The following PDE6G variants were observed in gnomAD, a reference collection of about 807,000 sequenced individuals.
PDE6G encodes the protein phosphodiesterase 6G.
PDE6G carries 10 observed loss-of-function variants against 10.9 expected under a neutral mutation model. That is an observed-to-expected ratio of 0.91 (90% CI 0.56 to 1.55). PDE6G has a LOEUF of 1.55. PDE6G is among the 40% of genes most tolerant of loss of function. PDE6G has a pLI of 0.00. For missense variants in PDE6G, 102 were observed against 110.1 expected, an observed-to-expected ratio of 0.93 and a Z score of 0.33; for synonymous variants, 41 against 42.8, an observed-to-expected ratio of 0.96 and a Z score of 0.16.
rs764959105 is a variant in PDE6G at position 81,653,293 on chromosome 17, GTTCCAGGT to G, written c.5_12del (p.Asn2ThrfsTer5). On this transcript the variant is annotated frameshift_variant, in exon 2 of 4. Transcript: ENST00000331056. LOFTEE classifies it high-confidence loss of function. This position sits in a 1 kb window ranked among gnomAD's most constrained non-coding sequence, Gnocchi z 5.2. Reference sequence around the variant, plus strand: ...GCTGACCGGAACTCAGCCTTGGGCGGTTCCAGGTTCATGGTGAGGCTGACGGAGACACC... The same window carrying G: ...GCTGACCGGAACTCAGCCTTGGGCGGTCATGGTGAGGCTGACGGAGACACC... 6.2e-7 allele frequency: 1 copy of G among 1,613,498 alleles called. No homozygotes were observed. Among genetic ancestry groups the G allele is most frequent in the African/African-American group, 1.3e-5 (1 of 75,002 alleles).
rs2036348049 is a variant in PDE6G at position 81,651,232 on chromosome 17, G to A, written c.188-82C>T. On this transcript the variant is annotated intron_variant, in intron 3 of 3. Coordinates refer to ENST00000331056, the MANE Select transcript of PDE6G (RefSeq NM_002602.4). This position sits in a 1 kb window ranked among gnomAD's most constrained non-coding sequence, Gnocchi z 4.8. ...ATCCCCTGTGGCCCTGTTTCCCACA[G>A]CCCAGGTGTAGCCCTACAGTGTGCT... 3.9e-6 allele frequency: 4 copies of A among 1,014,398 alleles called. No homozygotes were observed. In the Admixed American group the frequency reaches 7.3e-5, roughly 19 times the overall value. The allele number at this position is 1,014,398 out of a possible 1,614,324, so 62.8% of individuals were successfully genotyped here.
intron 1 of PDE6G, among the ~76,000 whole-genome samples, chr17:81,655,992 A>C (rs1200769063): frequency 6.6e-6 from 1 of 152,092 alleles, no homozygotes; most frequent in East Asian, 1.9e-4. Flanking sequence ...AGCCTGTGCA[A>C]AACCAGCACT....
At chr17:81,656,652 A>G, upstream of PDE6G, 1 of 705,068 alleles carries the variant, frequency 1.4e-6, no homozygotes, top group African/African-American at 1.7e-5. Flanking sequence ...ACAACCACCA[A>G]GGTTCAGGGG....
chr17:81,657,434 C>T (rs560620191), upstream of PDE6G, among the ~76,000 whole-genome samples: 30 of 152,344 alleles, frequency 2.0e-4, no homozygotes, highest in South Asian at 5.6e-3. Flanking sequence ...GACAAAGATT[C>T]GCTTCTGCAC....
chr17:81,656,559 C>T (rs2036449741), upstream of PDE6G: 2 of 761,342 alleles, frequency 2.6e-6, no homozygotes, highest in African/African-American at 1.7e-5. Context: ...GGGTGCCAGC[C>T]CCGGCCTTTA....
upstream of PDE6G, chr17:81,656,981 C>G (rs987539943): frequency 2.7e-5 from 6 of 219,762 alleles, no homozygotes; most frequent in Admixed American, 1.1e-4. Context: ...AAACAAGGAC[C>G]CCCCCCCGCC....
rs1043568048 is a variant in PDE6G at position 81,653,978 on chromosome 17, T to C, written c.-59-614A>G. On this transcript the variant is annotated intron_variant, in intron 1 of 3. Coordinates refer to ENST00000331056, the MANE Select transcript of PDE6G (RefSeq NM_002602.4). This position sits in a 1 kb window ranked among gnomAD's most constrained non-coding sequence, Gnocchi z 5.2. The stretch of plus-strand genomic sequence containing the variant: ...GGCGTCTGCCACCATGCCCGGCTAA[T>C]CTTTGCATTTTTGCATTTTTAGTAG... Among the ~76,000 whole-genome samples, 1 of 152,072 alleles carries C rather than the reference T, an allele frequency of 6.6e-6. No homozygotes were observed. The highest frequency in any genetic ancestry group is 1.5e-5 in the Non-Finnish European group (1 of 68,006).
chr17:81,658,596 T>C (rs533367540), upstream of PDE6G, among the ~76,000 whole-genome samples: 1 of 151,688 alleles, frequency 6.6e-6, no homozygotes, highest in East Asian at 1.9e-4. Context: ...ATCTCAGCAC[T>C]TTGGGAGGCC....
chr17:81,650,576 G>GAGTCCTGC lies in PDE6G; in HGVS notation c.*490_*497dup, dbSNP rs1372555409. On this transcript the variant is annotated 3_prime_UTR_variant, in exon 4 of 4. Coordinates refer to ENST00000331056, the MANE Select transcript of PDE6G (RefSeq NM_002602.4). ...TCATCTGCTCACCGTGCACGCCCTG[G>GAGTCCTGC]AGTCCTGCTACCCAGCATGTCCAAA... 1 of 454,268 alleles carries GAGTCCTGC rather than the reference G, an allele frequency of 2.2e-6. No homozygotes were observed. Among genetic ancestry groups the GAGTCCTGC allele is most frequent in the Non-Finnish European group, 4.4e-6 (1 of 226,890 alleles). The allele number at this position is 454,268 out of a possible 1,614,324, so 28.1% of individuals were successfully genotyped here.
intron 1 of PDE6G, among the ~76,000 whole-genome samples, chr17:81,662,685 C>A (rs2036524315): frequency 6.6e-6 from 1 of 152,134 alleles, no homozygotes; most frequent in South Asian, 2.1e-4. Context: ...ATAGCTCTCA[C>A]TAACTAAACA....
chr17:81,656,815 G>A (rs2036453205), upstream of PDE6G: 3 of 596,102 alleles, frequency 5.0e-6, no homozygotes, highest in Admixed American at 5.4e-5. Context: ...CTGCTGTCTT[G>A]GGCCTCCCTA....
chr17:81,652,902 C>T (rs1045245366), intron 2 of PDE6G, among the ~76,000 whole-genome samples: 22 of 139,028 alleles, frequency 1.6e-4, no homozygotes, highest in African/African-American at 4.9e-4. Context: ...GCTGAGCCAC[C>T]GCGCCTGGCC....
upstream of PDE6G, among the ~76,000 whole-genome samples, chr17:81,658,333 T>G (rs368756331): frequency 2.0e-5 from 3 of 151,400 alleles, no homozygotes; most frequent in Non-Finnish European, 2.9e-5. Context: ...ATCTGCCCAC[T>G]TTGGCCTCCC....
Position 81,653,631 on chromosome 17 carries a change from C to G in PDE6G, c.-59-267G>C. The G allele has an allele frequency of 2.5e-6, 1 of 396,448 alleles. No homozygotes were observed. Among genetic ancestry groups the G allele is most frequent in the South Asian group, 2.4e-5 (1 of 41,354 alleles). The allele number at this position is 396,448 out of a possible 1,614,324, so 24.6% of individuals were successfully genotyped here. ...GACTCCCCCCTGTCCTGGCCTCCCT[C>G]GCCCCGGCCCACAATCCACAGCAAA... On this transcript the variant is annotated intron_variant, in intron 1 of 3. Transcript: ENST00000331056. The surrounding 1 kb of genome is among the most constrained non-coding windows in gnomAD (Gnocchi z 5.2).
Position 81,653,411 on chromosome 17 carries a change from A to G in PDE6G, c.-59-47T>C. 7.3e-7 allele frequency: 1 copy of G among 1,364,952 alleles called. No homozygotes were observed. Among genetic ancestry groups the G allele is most frequent in the Non-Finnish European group, 1.0e-6 (1 of 990,166 alleles). 84.6% of individuals were successfully genotyped at this position (1,364,952 alleles called of 1,614,324 possible). On this transcript the variant is annotated intron_variant, in intron 1 of 3. Coordinates refer to ENST00000331056, the MANE Select transcript of PDE6G (RefSeq NM_002602.4). The surrounding 1 kb of genome is among the most constrained non-coding windows in gnomAD (Gnocchi z 5.2). ...GTCCCAGTCAGCCCTCCTGCTTCCA[A>G]CCCTTGTGGGGGTCTCAACCCACCG...
chr17:81,660,993 A>C (rs1291165348), upstream of PDE6G, among the ~76,000 whole-genome samples: 1 of 152,140 alleles, frequency 6.6e-6, no homozygotes, highest in Non-Finnish European at 1.5e-5. Context: ...ATCATGACTT[A>C]CTTCCGTCTT....
At chr17:81,661,826 A>G (rs1160698079) in intron 1 of PDE6G, among the ~76,000 whole-genome samples, 2 of 135,278 alleles carry the variant, frequency 1.5e-5, no homozygotes, top group African/African-American at 2.9e-5. Flanking sequence ...GCGCCACTGC[A>G]CTCCAGCCTG....
At chr17:81,661,738 T>C (rs1396542682) in intron 1 of PDE6G, among the ~76,000 whole-genome samples, 1 of 151,278 alleles carries the variant, frequency 6.6e-6, no homozygotes, top group East Asian at 2.0e-4. Flanking sequence ...TGGGTGCCTG[T>C]AATCCCAGCT....
upstream of PDE6G, among the ~76,000 whole-genome samples, chr17:81,660,787 C>T (rs567126770): frequency 5.9e-5 from 9 of 152,330 alleles, no homozygotes; most frequent in East Asian, 7.7e-4. Flanking sequence ...CTGCCGTGCC[C>T]GGCCGGACAT....
Sources: allele counts gnomAD v4.1 joint callset (sites outside exome capture counted in the v4.1 genomes callset), GRCh38; gene constraint gnomAD v4.1.1; non-coding constraint Gnocchi (gnomAD v3.1); transcripts MANE v1.5; gene names NCBI Gene and HGNC (gene_info 2026-07-23, HGNC 2026-07-21).